The following RALYL variants were observed in gnomAD, a reference collection of about 807,000 sequenced individuals.
The protein encoded by RALYL is RALY RNA binding protein like.
In RALYL, 29 loss-of-function variants were observed where a neutral mutation model predicts 35.1. The ratio of observed to expected loss-of-function variants is 0.83; its 90% CI spans 0.61 to 1.13. RALYL has a LOEUF of 1.13. Ranked by LOEUF, RALYL falls within the 50% of genes most tolerant of loss-of-function variation. The pLI, the probability that RALYL is intolerant of heterozygous loss-of-function variation, is 0.00. For missense variants in RALYL, 359 were observed against 360.4 expected (o/e 1.00, Z 0.03); for synonymous variants, 120 against 127.6 (o/e 0.94, Z 0.40).
intron 1 of RALYL, among the ~76,000 whole-genome samples, chr8:84,499,754 A>ATTAT (rs557619171): frequency 2.6e-3 from 391 of 152,048 alleles, no homozygotes; most frequent in Non-Finnish European, 4.8e-3. Context: ...AAATGATGTG[A>ATTAT]TTATTTATTT....
chr8:84,678,497 T>C (rs182722916), intron 2 of RALYL, among the ~76,000 whole-genome samples: 44 of 152,058 alleles, frequency 2.9e-4, no homozygotes, highest in African/African-American at 1.0e-3. Context: ...AAACTCCTGA[T>C]CTAAAATGAT....
intron 2 of RALYL, among the ~76,000 whole-genome samples, chr8:84,621,223 C>G (rs28695582): frequency 6.6e-6 from 1 of 151,962 alleles, no homozygotes. Context: ...CTCAGACTGC[C>G]GTGCTAGCAA....
chr8:84,811,660 G>C (rs1244995757), intron 4 of RALYL, among the ~76,000 whole-genome samples: 1 of 152,092 alleles, frequency 6.6e-6, no homozygotes, highest in Admixed American at 6.5e-5. Flanking sequence ...ATTATTCTTA[G>C]GTTTGGTCAT....
intron 7 of RALYL, among the ~76,000 whole-genome samples, chr8:84,879,020 A>G (rs1347259965): frequency 2.0e-5 from 1 of 50,668 alleles, no homozygotes; most frequent in Non-Finnish European, 3.1e-5. Context: ...GTACTTCACC[A>G]AAAACACAGC....
chr8:84,803,051 T>C (rs1386350416), intron 3 of RALYL, among the ~76,000 whole-genome samples: 1 of 152,060 alleles, frequency 6.6e-6, no homozygotes, highest in East Asian at 1.9e-4. Context: ...CACATACCAG[T>C]GAGAGGCAAG....
At chr8:84,324,591 G>T (rs1198610728) in intron 1 of RALYL, among the ~76,000 whole-genome samples, 5 of 151,158 alleles carry the variant, frequency 3.3e-5, no homozygotes, top group African/African-American at 9.7e-5. Context: ...GTAAATAGTT[G>T]TGTTTTTTTT....
At chr8:84,832,129 T>A (rs1466125736) in intron 4 of RALYL, among the ~76,000 whole-genome samples, 1 of 152,182 alleles carries the variant, frequency 6.6e-6, no homozygotes, top group Admixed American at 6.5e-5. Flanking sequence ...TTATGCTGAA[T>A]TAATATTCCC....
rs1427979548 is a variant in RALYL at position 84,191,190 on chromosome 8, G to A, written c.-24+6766G>A. On this transcript the variant is annotated intron_variant, in intron 1 of 8. Transcript: ENST00000521268. ...GTCGTGTGTGTGTGTGATTGTGTGT[G>A]TGTGTGTGTGTGTGTGTGTGTGTAC... is the stretch of plus-strand genomic sequence containing the variant. Among the ~76,000 whole-genome samples, 3 of 150,496 alleles carry A rather than the reference G, an allele frequency of 2.0e-5. No homozygotes were observed. The East Asian group carries it at 5.9e-4, about 29-fold the overall frequency.
chr8:84,876,609 A>T (rs1210507415), intron 7 of RALYL, among the ~76,000 whole-genome samples: 1 of 152,228 alleles, frequency 6.6e-6, no homozygotes, highest in African/African-American at 2.4e-5. Flanking sequence ...CAGTTACTCC[A>T]TGGGTAACTA....
chr8:84,393,186 G>T (rs1207386120), intron 1 of RALYL, among the ~76,000 whole-genome samples: 1 of 152,074 alleles, frequency 6.6e-6, no homozygotes, highest in Non-Finnish European at 1.5e-5. Context: ...TCACAAGACT[G>T]CAATCAAGAA....
intron 5 of RALYL, among the ~76,000 whole-genome samples, chr8:84,854,422 C>A (rs1836549928): frequency 6.6e-6 from 1 of 152,086 alleles, no homozygotes. Context: ...ATTCATACAG[C>A]AGTGTCCATA....
intron 1 of RALYL, among the ~76,000 whole-genome samples, chr8:84,520,954 T>C (rs1411365955): frequency 6.6e-6 from 1 of 152,156 alleles, no homozygotes; most frequent in Non-Finnish European, 1.5e-5. Flanking sequence ...CATTGCCTCT[T>C]ATGGCTCAGA....
rs114233244 is a variant in RALYL at position 84,675,866 on chromosome 8, G to A, written c.257-98713G>A. Among the ~76,000 whole-genome samples the A allele has an allele frequency of 3.8e-3, 577 of 152,178 alleles. 7 individuals are homozygous for A. Among genetic ancestry groups the A allele is most frequent in the African/African-American group, 0.013 (529 of 41,508 alleles). On this transcript the variant is annotated intron_variant, in intron 2 of 8. Coordinates refer to ENST00000521268, the MANE Select transcript of RALYL (RefSeq NM_173848.7). ...ATATATGCATGTAACAAAATTGCAC[G>A]TGTACTGCGTAGATTTGTACAAATA...
chr8:84,771,133 A>AT (rs1433933488), intron 2 of RALYL, among the ~76,000 whole-genome samples: 2 of 151,766 alleles, frequency 1.3e-5, no homozygotes, highest in Non-Finnish European at 2.9e-5. Context: ...TACTGTCAGT[A>AT]TTTTTCCAGG....
intron 1 of RALYL, among the ~76,000 whole-genome samples, chr8:84,189,396 G>T (rs1266597096): frequency 1.3e-5 from 2 of 152,122 alleles, no homozygotes; most frequent in African/African-American, 4.8e-5. Flanking sequence ...TACACATTTT[G>T]ATAGCCATAT....
At chr8:84,267,954 G>GTTTTA (rs1277548428) in intron 1 of RALYL, among the ~76,000 whole-genome samples, 1 of 152,104 alleles carries the variant, frequency 6.6e-6, no homozygotes, top group Non-Finnish European at 1.5e-5. Flanking sequence ...CCTATCATTT[G>GTTTTA]TTTTATTTTA....
chr8:84,628,836 A>G (rs1457293522), intron 2 of RALYL, among the ~76,000 whole-genome samples: 1 of 152,114 alleles, frequency 6.6e-6, no homozygotes, highest in Non-Finnish European at 1.5e-5. Flanking sequence ...TAAAACCAAA[A>G]ATTGTTAATG....
At chr8:84,321,504 G>A (rs1191734207) in intron 1 of RALYL, among the ~76,000 whole-genome samples, 1 of 152,116 alleles carries the variant, frequency 6.6e-6, no homozygotes, top group African/African-American at 2.4e-5. Flanking sequence ...GAAACTTATT[G>A]GGGCTACATT....
intron 2 of RALYL, among the ~76,000 whole-genome samples, chr8:84,739,592 CACATACACAATATA>C (rs1037106635): frequency 2.6e-5 from 4 of 151,606 alleles, no homozygotes; most frequent in Admixed American, 2.0e-4. Flanking sequence ...TATATATCCA[CACATACACAATATA>C]TGTATGTATT....
Sources: gnomAD v4.1 joint callset for allele counts (sites outside exome capture counted in the v4.1 genomes callset) on GRCh38, gnomAD v4.1.1 for gene constraint, MANE v1.5 for transcripts, NCBI Gene and HGNC (gene_info 2026-07-23, HGNC 2026-07-21) for gene names.